KLF7: variants seen among roughly 807,000 people sequenced by gnomAD.
The protein encoded by KLF7 is KLF transcription factor 7, also known as Krueppel-like factor 7.
A neutral mutation model predicts 27.3 loss-of-function variants in KLF7; 2 were observed. The ratio of observed to expected loss-of-function variants is 0.07; its 90% CI spans 0.03 to 0.23. The LOEUF (loss-of-function observed/expected upper bound fraction) is 0.23, where lower values mean the gene tolerates loss of function less well. Ranked by LOEUF, KLF7 falls within the 10% of genes least tolerant of loss-of-function variation. KLF7 has a pLI of 1.00. For synonymous variants in KLF7, 165 were observed against 162.4 expected (o/e 1.02, Z -0.12); for missense variants, 221 against 394.1 (o/e 0.56, Z 3.72).
chr2:207,156,511 G>C (rs1574585739), intron 1 of KLF7, among the ~76,000 whole-genome samples: 2 of 152,316 alleles, frequency 1.3e-5, no homozygotes, highest in Non-Finnish European at 2.9e-5. Flanking sequence ...TCAAACCATG[G>C]AGCAGGCTGA....
chr2:207,094,728 T>C (rs1353819275), intron 2 of KLF7, among the ~76,000 whole-genome samples: 1 of 152,248 alleles, frequency 6.6e-6, no homozygotes, highest in Admixed American at 6.5e-5. Flanking sequence ...ATACCTATGC[T>C]AAGTCACTGT....
At chr2:207,110,835 C>T (rs1438152465) in intron 2 of KLF7, among the ~76,000 whole-genome samples, 2 of 152,172 alleles carry the variant, frequency 1.3e-5, no homozygotes, top group African/African-American at 2.4e-5. Flanking sequence ...GGTAGGTCAT[C>T]TTAAAAGGAT....
chr2:207,169,148 A>G (rs1192989584), upstream of KLF7, among the ~76,000 whole-genome samples: 2 of 152,174 alleles, frequency 1.3e-5, no homozygotes, highest in African/African-American at 4.8e-5. Context: ...AATCGACTCC[A>G]AAATCTGTCT....
chr2:207,145,015 T>C (rs1191305952), intron 1 of KLF7, among the ~76,000 whole-genome samples: 1 of 152,196 alleles, frequency 6.6e-6, no homozygotes, highest in East Asian at 1.9e-4. Context: ...TAGTTATTAT[T>C]CACATTTGTC....
At chr2:207,142,954 G>A (rs1205730700) in intron 1 of KLF7, among the ~76,000 whole-genome samples, 1 of 152,160 alleles carries the variant, frequency 6.6e-6, no homozygotes, top group Non-Finnish European at 1.5e-5. Context: ...GATAACTCAG[G>A]GAAAGATTAA....
chr2:207,081,034 T>G lies in KLF7; in HGVS notation c.*179A>C, dbSNP rs914184505. 3 of 656,836 alleles carry G rather than the reference T, an allele frequency of 4.6e-6. No homozygotes were observed. Among genetic ancestry groups the G allele is most frequent in the Non-Finnish European group, 8.2e-6 (3 of 365,452 alleles). The allele number at this position is 656,836 out of a possible 1,614,324, so 40.7% of individuals were successfully genotyped here. On this transcript the variant is annotated 3_prime_UTR_variant, in exon 4 of 4. Coordinates refer to ENST00000309446, the MANE Select transcript of KLF7 (RefSeq NM_003709.4). ...ATAGTTGAGTGCATGACAGTGTGTA[T>G]GTGTGTGGGTCTGTGAGTGTGTGTA...
In KLF7 at chr2:207,099,551, GATAT is replaced by G. The variant is rs59383415; in HGVS notation, c.734-10974_734-10971del. ...AAAGTTAACTTTCTGCTACATATGCGATATATATATATATATATATATGAAAAGA... is the reference window on the plus strand; with the variant it reads ...AAAGTTAACTTTCTGCTACATATGCGATATATATATATATATATGAAAAGA... On this transcript the variant is annotated intron_variant, in intron 2 of 3. Coordinates refer to ENST00000309446, the MANE Select transcript of KLF7 (RefSeq NM_003709.4). 1.0e-3 allele frequency among the ~76,000 whole-genome samples: 58 copies of G among 57,570 alleles called. 3 individuals carry two copies. The highest frequency in any genetic ancestry group is 4.5e-3 in the African/African-American group (50 of 11,010). 37.8% of individuals were successfully genotyped at this position (57,570 alleles called of 152,430 possible). A position where few individuals can be genotyped will look rare whatever the true frequency, so the allele number is the denominator to read the frequency against.
chr2:207,137,698 T>C (rs151173871), intron 1 of KLF7, among the ~76,000 whole-genome samples: 3 of 152,320 alleles, frequency 2.0e-5, no homozygotes, highest in Non-Finnish European at 4.4e-5. Context: ...CACATGTGCA[T>C]AGTGTGCCAC....
At chr2:207,158,217 G>A (rs528204844) in intron 1 of KLF7, among the ~76,000 whole-genome samples, 56 of 152,190 alleles carry the variant, frequency 3.7e-4, no homozygotes, top group African/African-American at 1.3e-3. Flanking sequence ...GGTAGGGAAG[G>A]GCAAAAAGTA....
At chr2:207,147,604 T>C (rs1032216788) in intron 1 of KLF7, among the ~76,000 whole-genome samples, 5 of 152,184 alleles carry the variant, frequency 3.3e-5, no homozygotes, top group African/African-American at 1.2e-4. Flanking sequence ...TGAAGGCTTC[T>C]ATCCCCCACT....
chr2:207,096,981 G>C (rs1300965432), intron 2 of KLF7, among the ~76,000 whole-genome samples: 5 of 152,210 alleles, frequency 3.3e-5, no homozygotes, highest in Non-Finnish European at 7.3e-5. Flanking sequence ...ACACAGGTTA[G>C]TGAACCCCAC....
intron 1 of KLF7, among the ~76,000 whole-genome samples, chr2:207,136,907 G>A (rs1015171539): frequency 1.3e-5 from 2 of 152,146 alleles, no homozygotes; most frequent in African/African-American, 4.8e-5. Context: ...ACACTGAGAA[G>A]GCACTTGCTG....
rs929360647 is a variant in KLF7, at chr2:207,113,996, G to A, written c.733+9778C>T. On this transcript the variant is annotated intron_variant, in intron 2 of 3. Transcript: ENST00000309446. ...CAACAAAGAATGAAAAAAACAAAAA[G>A]CCAGCAAATTGCCCTCTGCCTAAAT... Among the ~76,000 whole-genome samples, 8 of 152,046 alleles carry A rather than the reference G, an allele frequency of 5.3e-5. 1 individual carries two copies. Among genetic ancestry groups the A allele is most frequent in the African/African-American group, 1.9e-4 (8 of 41,392 alleles).
intron 1 of KLF7, among the ~76,000 whole-genome samples, chr2:207,144,227 T>C (rs189552804): frequency 6.6e-6 from 1 of 151,570 alleles, no homozygotes; most frequent in East Asian, 1.9e-4. Flanking sequence ...GAGCTGTCAT[T>C]TGGCATAGAC....
chr2:207,167,485 AAC>A (rs1166279070), upstream of KLF7, among the ~76,000 whole-genome samples: 2 of 152,206 alleles, frequency 1.3e-5, no homozygotes, highest in Admixed American at 1.3e-4. Flanking sequence ...AGGACTCGAT[AAC>A]ACAACATTTG....
intron 2 of KLF7, among the ~76,000 whole-genome samples, chr2:207,112,684 T>C (rs1188604573): frequency 2.6e-5 from 4 of 152,228 alleles, no homozygotes; most frequent in Non-Finnish European, 5.9e-5. Flanking sequence ...TGAAATCTCC[T>C]TGGAGCATCA....
intron 1 of KLF7, among the ~76,000 whole-genome samples, chr2:207,143,316 TTGA>T (rs2077996280): frequency 6.6e-6 from 1 of 151,664 alleles, no homozygotes; most frequent in Non-Finnish European, 1.5e-5. Flanking sequence ...CAGAGATCAG[TTGA>T]TCTTCACACG....
chr2:207,095,338 AC>A (rs1281211629), intron 2 of KLF7, among the ~76,000 whole-genome samples: 1 of 151,886 alleles, frequency 6.6e-6, no homozygotes, highest in Non-Finnish European at 1.5e-5. Context: ...GTGAGCCACC[AC>A]GCCCGGCCTG....
intron 1 of KLF7, among the ~76,000 whole-genome samples, chr2:207,137,621 G>A (rs2077824907): frequency 1.3e-5 from 2 of 152,216 alleles, no homozygotes; most frequent in South Asian, 2.1e-4. Flanking sequence ...CTAGGCAAGA[G>A]TGGAGGATGG....
Sources: allele counts gnomAD v4.1 joint callset (sites outside exome capture counted in the v4.1 genomes callset), GRCh38; gene constraint gnomAD v4.1.1; transcripts MANE v1.5; gene names NCBI Gene and HGNC (gene_info 2026-07-23, HGNC 2026-07-21).